Variants in DCX observed in about 807,000 individuals in gnomAD.
DCX encodes neuronal migration protein doublecortin.
DCX carries 4 observed loss-of-function variants against 20.9 expected under a neutral mutation model. That is an observed-to-expected ratio of 0.19 (90% confidence interval 0.09 to 0.44). The LOEUF is 0.44. Among genes scored for constraint, DCX ranks in the 20% least tolerant of loss-of-function variants. The pLI, the probability that DCX is intolerant of heterozygous loss-of-function variation, is 0.99. For missense variants in DCX, 133 were observed against 296.9 expected (o/e 0.45, Z 4.06); for synonymous variants, 103 against 111.4 (o/e 0.92, Z 0.47).
chrX:111,331,162 G>T, intron 4 of DCX, 121 bp from the exon 5 acceptor site: 3 of 847,137 alleles, frequency 3.5e-6, no homozygotes, highest in Non-Finnish European at 5.2e-6. Flanking sequence ...GGACTACAAT[G>T]TGGTCCTTAT....
At chrX:111,368,749 C>A (rs2147705138) in intron 3 of DCX, among the ~76,000 whole-genome samples, 1 of 110,804 alleles carries the variant, frequency 9.0e-6, no homozygotes, top group South Asian at 3.9e-4. Context: ...CAAGGTTCCC[C>A]TAGTTATCTC....
rs1239422815 is a variant in DCX at position 111,294,611 on chromosome X, G to T, written c.*7076C>A. 1 of 111,957 alleles carries T rather than the reference G, an allele frequency of 8.9e-6. No individual in the cohort carries two copies. The highest frequency in any genetic ancestry group is 2.8e-4 in the East Asian group (1 of 3,564). 9.2% of individuals were successfully genotyped at this position (111,957 alleles called of 1,213,427 possible). On this transcript the variant is annotated 3_prime_UTR_variant, in exon 7 of 7. Coordinates refer to ENST00000636035, the MANE Select transcript of DCX (RefSeq NM_001195553.2). Reference sequence around the variant, plus strand: ...TTCCCCACATTTTGGTTTGTTTGTTGTTTGCTGACTTTACTTGGCAAGAGT... The same window carrying T: ...TTCCCCACATTTTGGTTTGTTTGTTTTTTGCTGACTTTACTTGGCAAGAGT...
At chrX:111,373,359 G>A (rs1181886359) in intron 3 of DCX, among the ~76,000 whole-genome samples, 1 of 112,003 alleles carries the variant, frequency 8.9e-6, no homozygotes, top group Non-Finnish European at 1.9e-5. Flanking sequence ...ACAGATAGAA[G>A]ATATTTGTGT....
At chrX:111,355,354 A>G (rs753547912) in intron 3 of DCX, among the ~76,000 whole-genome samples, 15 of 111,307 alleles carry the variant, frequency 1.3e-4, no homozygotes, top group Non-Finnish European at 2.6e-4. Context: ...TAAAATTCCA[A>G]TGAATCATCA....
chrX:111,342,810 A>G (rs1030977246), intron 3 of DCX, among the ~76,000 whole-genome samples: 7 of 111,223 alleles, frequency 6.3e-5, no homozygotes, highest in Non-Finnish European at 1.1e-4. Context: ...CTGCTCCTGA[A>G]TGACTCCTGG....
chrX:111,376,865 T>G (rs953395213), intron 3 of DCX, among the ~76,000 whole-genome samples: 9 of 112,183 alleles, frequency 8.0e-5, no homozygotes, highest in Non-Finnish European at 1.5e-4. Flanking sequence ...GTGCATTGCA[T>G]AGTAGTTAGG....
At chrX:111,402,456 T>C (rs1047782183) in intron 2 of DCX, among the ~76,000 whole-genome samples, 57 of 111,496 alleles carry the variant, frequency 5.1e-4, no homozygotes, top group African/African-American at 1.7e-3. Flanking sequence ...GAGGTTGAGC[T>C]GCAGAAACAG....
chrX:111,309,572 G>C (rs1197415841), intron 6 of DCX, among the ~76,000 whole-genome samples: 4 of 111,965 alleles, frequency 3.6e-5, no homozygotes, highest in Non-Finnish European at 5.6e-5. Flanking sequence ...TGACACTATT[G>C]CTTCTTGATA....
chrX:111,402,484 T>G (rs139909884), intron 2 of DCX, among the ~76,000 whole-genome samples: 283 of 111,575 alleles, frequency 2.5e-3, no homozygotes, highest in Non-Finnish European at 4.2e-3. Flanking sequence ...TAATCAGGCT[T>G]AAGTCATCGG....
At chrX:111,340,032 T>C (rs1290901763) in intron 3 of DCX, among the ~76,000 whole-genome samples, 1 of 112,779 alleles carries the variant, frequency 8.9e-6, no homozygotes, top group Non-Finnish European at 1.9e-5. Flanking sequence ...GTCAGAGTAG[T>C]ATTTTACAAT....
intron 2 of DCX, among the ~76,000 whole-genome samples, chrX:111,409,770 A>AT (rs1928545238): frequency 8.9e-6 from 1 of 111,846 alleles, no homozygotes; most frequent in African/African-American, 3.3e-5. Context: ...TCTAGAGTAA[A>AT]TGCTACAATT....
intron 3 of DCX, among the ~76,000 whole-genome samples, chrX:111,372,471 C>T (rs144268595): frequency 0.021 from 2,348 of 111,793 alleles, 71 homozygotes; most frequent in African/African-American, 0.072. Context: ...TCCCATTGTA[C>T]TGGGCAATTA....
intron 5 of DCX, among the ~76,000 whole-genome samples, chrX:111,328,197 A>G (rs1006006921): frequency 7.2e-5 from 8 of 111,287 alleles, no homozygotes; most frequent in African/African-American, 2.6e-4. Flanking sequence ...ATAAATCCTC[A>G]TTTCTTTTTT....
intron 6 of DCX, among the ~76,000 whole-genome samples, chrX:111,303,342 C>G (rs2095038242): frequency 1.8e-5 from 2 of 110,294 alleles, no homozygotes; most frequent in Non-Finnish European, 3.8e-5. Context: ...CCCCCACCCC[C>G]ACCGCCTTGC....
chrX:111,345,280 C>T (rs1922702475), intron 3 of DCX, among the ~76,000 whole-genome samples: 1 of 111,817 alleles, frequency 8.9e-6, no homozygotes, highest in Admixed American at 9.5e-5. Context: ...AACCCAAAAC[C>T]ATAAGAACCC....
intron 5 of DCX, among the ~76,000 whole-genome samples, chrX:111,327,529 CTG>C (rs1325645599): frequency 1.8e-5 from 2 of 112,353 alleles, no homozygotes; most frequent in African/African-American, 6.5e-5. Context: ...TTTTACAACT[CTG>C]TAAATTGTAA....
intron 3 of DCX, among the ~76,000 whole-genome samples, chrX:111,385,332 C>T (rs1287962762): frequency 8.9e-6 from 1 of 111,954 alleles, no homozygotes; most frequent in African/African-American, 3.2e-5. Context: ...GCTTGCTGAC[C>T]TCTGATTTAT....
chrX:111,311,622 G>A (rs2147592808), intron 6 of DCX, among the ~76,000 whole-genome samples: 1 of 111,958 alleles, frequency 8.9e-6, no homozygotes, highest in South Asian at 3.8e-4. Context: ...CACCACTGGT[G>A]GTGACTTGGG....
chrX:111,408,691 A>AAGGAAGG (rs1569498229), intron 2 of DCX, among the ~76,000 whole-genome samples: 2 of 103,257 alleles, frequency 1.9e-5, no homozygotes, highest in African/African-American at 7.3e-5. Flanking sequence ...AGAAAGAAAG[A>AAGGAAGG]AAGGAAGGAA....
Sources: allele counts gnomAD v4.1 joint callset (sites outside exome capture counted in the v4.1 genomes callset), GRCh38; gene constraint gnomAD v4.1.1; transcripts MANE v1.5; gene names NCBI Gene and HGNC (gene_info 2026-07-23, HGNC 2026-07-21).